Variants in USP40 observed in about 807,000 individuals in gnomAD.
USP40 encodes the protein ubiquitin carboxyl-terminal hydrolase 40.
USP40 carries 143 observed loss-of-function variants against 166.2 expected under a neutral mutation model. The ratio of observed to expected loss-of-function variants is 0.86; its 90% CI spans 0.75 to 0.99. The LOEUF is 0.99. USP40 is among the 50% of genes least tolerant of loss of function. The pLI, the probability that USP40 is intolerant of heterozygous loss-of-function variation, is 0.00. For missense variants in USP40, 1,444 were observed against 1,479.7 expected, an observed-to-expected ratio of 0.98 and a Z score of 0.40; for synonymous variants, 498 against 524.0, an observed-to-expected ratio of 0.95 and a Z score of 0.68.
intron 18 of USP40, 182 bp from the exon 19 acceptor site, chr2:233,512,804 C>A (rs572169393): frequency 3.7e-5 from 12 of 323,608 alleles, no homozygotes; most frequent in Admixed American, 1.5e-4. Flanking sequence ...CAAAAACCCC[C>A]CAACAACCAA....
intron 21 of USP40, among the ~76,000 whole-genome samples, chr2:233,505,529 TAA>T: frequency 6.6e-6 from 1 of 152,200 alleles, no homozygotes; most frequent in Non-Finnish European, 1.5e-5. Flanking sequence ...CAAAGGATCA[TAA>T]GAGACTATTA....
Position 233,480,952 on chromosome 2 carries a change from T to C in USP40, c.3599+251A>G, listed in dbSNP as rs1483531579. ...AGGAAGGAGGGGGACCGGGGGGCCATGGATCTGCGGGCTCCTCATCGTGCC... is the reference window on the plus strand; with the variant it reads ...AGGAAGGAGGGGGACCGGGGGGCCACGGATCTGCGGGCTCCTCATCGTGCC... On this transcript the variant is annotated intron_variant, in intron 31 of 31. Coordinates refer to ENST00000678225, the MANE Select transcript of USP40 (RefSeq NM_001365479.2). This position sits in a 1 kb window ranked among gnomAD's most constrained non-coding sequence, Gnocchi z 4.5. Among the ~76,000 whole-genome samples the C allele has an allele frequency of 6.6e-6, 1 of 152,090 alleles. No homozygotes were observed. The highest frequency in any genetic ancestry group is 2.4e-5 in the African/African-American group (1 of 41,388).
At chr2:233,542,529 G>A (rs1313025665) in intron 8 of USP40, 166 bp from the exon 9 acceptor site, 3 of 546,952 alleles carry the variant, frequency 5.5e-6, no homozygotes, top group Admixed American at 3.4e-5. Flanking sequence ...GGGCAACATA[G>A]AGAGACCAGC....
intron 31 of USP40, among the ~76,000 whole-genome samples, chr2:233,479,576 A>G (rs2064416345): frequency 6.6e-6 from 1 of 151,136 alleles, no homozygotes; most frequent in African/African-American, 2.5e-5. Context: ...AAAAAAAAAA[A>G]TTTGGAAAAC....
In USP40 at chr2:233,485,790, C is replaced by G. The variant is rs778240329; in HGVS notation, c.3385G>C (p.Glu1129Gln). The G allele has an allele frequency of 2.5e-6, 4 of 1,612,570 alleles. No individual in the cohort carries two copies. The highest frequency in any genetic ancestry group is 3.4e-6 in the Non-Finnish European group (4 of 1,179,464). Residue 1129 changes from glutamate to glutamine, a missense_variant, in exon 29 of 32, where the codon GAG (glutamate) becomes CAG (glutamine). Coordinates refer to ENST00000678225, the MANE Select transcript of USP40 (RefSeq NM_001365479.2). ...EIAKYFPEKFEWLPISSWNQQ... is the reference protein window; with the variant it reads ...EIAKYFPEKFQWLPISSWNQQ... The stretch of plus-strand genomic sequence containing the variant: ...ACCCAGCTAGATATCGGAAGCCACT[C>G]GAACTTTTCGGGAAAGTATTTGGCA...
chr2:233,560,402 T>A (rs1225621415), intron 3 of USP40, among the ~76,000 whole-genome samples: 1 of 152,212 alleles, frequency 6.6e-6, no homozygotes, highest in East Asian at 1.9e-4. Context: ...TGGGGCAGAC[T>A]GAGCAATGTT....
intron 31 of USP40, among the ~76,000 whole-genome samples, chr2:233,479,578 T>G (rs2064417243): frequency 6.8e-6 from 1 of 147,922 alleles, no homozygotes; most frequent in African/African-American, 2.6e-5. Context: ...AAAAAAAAAT[T>G]TGGAAAACAG....
intron 26 of USP40, chr2:233,489,741 A>C: frequency 2.8e-6 from 1 of 363,332 alleles, no homozygotes; most frequent in Non-Finnish European, 4.9e-6. Context: ...TCTGAGTCAA[A>C]AGCTTCTTTT....
In USP40 at chr2:233,525,582, G is replaced by T; in HGVS notation, c.1726-20C>A. ...TAACAGCTGAAGAATATTAATGAAG[G>T]AAAAGAGAATGTTGAAAAGTGACAT... On this transcript the variant is annotated intron_variant, in intron 13 of 31. Transcript: ENST00000678225. 1 of 1,588,136 alleles carries T rather than the reference G, an allele frequency of 6.3e-7. No homozygotes were observed. Among genetic ancestry groups the T allele is most frequent in the Non-Finnish European group, 8.6e-7 (1 of 1,157,934 alleles).
intron 7 of USP40, among the ~76,000 whole-genome samples, chr2:233,550,523 G>A (rs1212875863): frequency 6.6e-6 from 1 of 151,114 alleles, no homozygotes; most frequent in East Asian, 1.9e-4. Flanking sequence ...AAAAAGCTCA[G>A]CAATTTGGCT....
intron 11 of USP40, among the ~76,000 whole-genome samples, chr2:233,531,057 A>C (rs141329579): frequency 6.6e-6 from 1 of 152,344 alleles, no homozygotes; most frequent in East Asian, 1.9e-4. Flanking sequence ...ATAACAAAGA[A>C]AAATGGCTTA....
chr2:233,481,183 G>C lies in USP40; in HGVS notation c.3599+20C>G, dbSNP rs370552737. The C allele has an allele frequency of 5.0e-5, 79 of 1,585,044 alleles. No individual in the cohort carries two copies. The highest frequency in any genetic ancestry group is 6.5e-5 in the Non-Finnish European group (75 of 1,162,648). The stretch of plus-strand genomic sequence containing the variant: ...AGAGGGCTCTGTCAGCTGCACATCT[G>C]TGCAGACCCCAGCAATTACCTTTTC... On this transcript the variant is annotated intron_variant, in intron 31 of 31. Coordinates refer to ENST00000678225, the MANE Select transcript of USP40 (RefSeq NM_001365479.2).
chr2:233,560,358 A>C (rs148866333), intron 3 of USP40, among the ~76,000 whole-genome samples: 53 of 152,258 alleles, frequency 3.5e-4, no homozygotes, highest in African/African-American at 1.2e-3. Flanking sequence ...CCTGGCTCCA[A>C]GTGAGTTCCT....
At chr2:233,533,288 G>T (rs2068684193) in intron 11 of USP40, among the ~76,000 whole-genome samples, 191 bp downstream of exon 11, 1 of 152,124 alleles carries the variant, frequency 6.6e-6, no homozygotes, top group South Asian at 2.1e-4. Context: ...TTAAAGAGAA[G>T]TATATAATCT....
At chr2:233,519,478 T>C (rs1219682280) in intron 18 of USP40, 136 bp downstream of exon 18, 1 of 577,746 alleles carries the variant, frequency 1.7e-6, no homozygotes, top group Non-Finnish European at 3.1e-6. Flanking sequence ...TATGACAAAA[T>C]GTTAATATTT....
At chr2:233,499,637 A>T (rs749020795) in intron 22 of USP40, among the ~76,000 whole-genome samples, 4 of 152,168 alleles carry the variant, frequency 2.6e-5, no homozygotes, top group African/African-American at 4.8e-5. Flanking sequence ...ACTGTAAAAC[A>T]TTCCTACTTT....
chr2:233,491,161 T>A lies in USP40; in HGVS notation c.3012+6A>T. 7 of 1,596,852 alleles carry A rather than the reference T, an allele frequency of 4.4e-6. No homozygotes were observed. The highest frequency in any genetic ancestry group is 1.7e-4 in the Middle Eastern group (1 of 6,040). ...CACTAAGTTATGGTGCAGGAAGAAG[T>A]CTGACCTGAGACTTCAGCTCCGCCA... On this transcript the variant is annotated splice_donor_region_variant and intron_variant, in intron 26 of 31. Coordinates refer to ENST00000678225, the MANE Select transcript of USP40 (RefSeq NM_001365479.2).
chr2:233,496,125 G>C, intron 24 of USP40, among the ~76,000 whole-genome samples: 1 of 152,216 alleles, frequency 6.6e-6, no homozygotes, highest in East Asian at 1.9e-4. Context: ...CAAGCTTTCT[G>C]TACTGTCTGA....
intron 5 of USP40, among the ~76,000 whole-genome samples, chr2:233,555,941 C>T (rs1395420836): frequency 8.6e-5 from 13 of 151,510 alleles, no homozygotes; most frequent in Non-Finnish European, 1.0e-4. Flanking sequence ...GGTGAAACCC[C>T]GTCTCTACTA....
Sources: gnomAD v4.1 joint callset for allele counts (sites outside exome capture counted in the v4.1 genomes callset) on GRCh38, gnomAD v4.1.1 for gene constraint, Gnocchi (gnomAD v3.1) non-coding constraint, MANE v1.5 for transcripts, NCBI Gene and HGNC (gene_info 2026-07-23, HGNC 2026-07-21) for gene names.